The following GLRA1 variants were observed in gnomAD, a reference collection of about 807,000 sequenced individuals.
GLRA1 encodes the protein glycine receptor subunit alpha-1.
A neutral mutation model predicts 48.3 loss-of-function variants in GLRA1; 37 were observed. The observed-to-expected ratio is 0.77, with a 90% CI of 0.59 to 1.01. The LOEUF (loss-of-function observed/expected upper bound fraction) is 1.01, where lower values mean the gene tolerates loss of function less well. Ranked by LOEUF, GLRA1 falls within the 50% of genes least tolerant of loss-of-function variation. The probability of loss-of-function intolerance (pLI) is 0.00; values close to 1 mark genes in which losing one functional copy is unlikely to be tolerated. For missense variants in GLRA1, 427 were observed against 571.0 expected (o/e 0.75, Z 2.57); for synonymous variants, 196 against 210.7 (o/e 0.93, Z 0.60).
chr5:151,901,446 A>G (rs767904109), intron 1 of GLRA1, among the ~76,000 whole-genome samples: 31 of 152,188 alleles, frequency 2.0e-4, no homozygotes, highest in Non-Finnish European at 2.8e-4. Flanking sequence ...GAACAAGCCT[A>G]TGGGGTTTAC....
intron 7 of GLRA1, chr5:151,850,490 G>T: frequency 9.8e-7 from 1 of 1,023,836 alleles, no homozygotes; most frequent in Non-Finnish European, 1.6e-6. Flanking sequence ...ACACTGAGGA[G>T]GCCATCGAGA....
chr5:151,822,679 G>A lies in GLRA1; in HGVS notation c.1344C>T (p.Asn448=), dbSNP rs1351401700. The change falls in exon 9 of 9, where the codon AAC becomes AAT. Residue 448 remains asparagine (N), a synonymous_variant. Coordinates refer to ENST00000274576, the MANE Select transcript of GLRA1 (RefSeq NM_000171.4). ...YKIVRREDVH[N]Q ...CCCCAACCTTTCAGACCCTTCACTG[G>A]TTGTGGACGTCCTCTCTACGGACAA... 6.2e-7 allele frequency: 1 copy of A among 1,610,886 alleles called. No homozygotes were observed. Among genetic ancestry groups the A allele is most frequent in the African/African-American group, 1.3e-5 (1 of 74,894 alleles).
Position 151,921,554 on chromosome 5 carries a change from CAT to C in GLRA1, c.56+2938_56+2939del, listed in dbSNP as rs1449656055. On this transcript the variant is annotated intron_variant, in intron 1 of 8. Transcript: ENST00000274576. Reference sequence around the variant, plus strand: ...TGTCAACAGCGCAGAGCTGGAGAAACATGTGTCTGTTTGAGTTGCTCAGAAGG... The same window carrying C: ...TGTCAACAGCGCAGAGCTGGAGAAACGTGTCTGTTTGAGTTGCTCAGAAGG... 2.6e-5 allele frequency among the ~76,000 whole-genome samples: 4 copies of C among 152,298 alleles called. No individual in the cohort carries two copies. In the East Asian group the frequency reaches 7.7e-4, roughly 29 times the overall value.
chr5:151,864,255 A>G (rs746351889), intron 3 of GLRA1, among the ~76,000 whole-genome samples: 25 of 152,156 alleles, frequency 1.6e-4, no homozygotes, highest in Non-Finnish European at 3.4e-4. Flanking sequence ...TGCACTTTTG[A>G]TGTTCTTGCC....
At chr5:151,875,864 G>T (rs1284948241) in intron 3 of GLRA1, among the ~76,000 whole-genome samples, 2 of 152,226 alleles carry the variant, frequency 1.3e-5, no homozygotes, top group African/African-American at 4.8e-5. Context: ...TCAGGAGTCA[G>T]GCAGCCTGGG....
intron 1 of GLRA1, among the ~76,000 whole-genome samples, chr5:151,901,768 G>C (rs1315015958): frequency 1.3e-5 from 2 of 152,128 alleles, no homozygotes; most frequent in Non-Finnish European, 2.9e-5. Context: ...TGACAGTAAT[G>C]GCTATCATTC....
At chr5:151,921,535 C>T (rs1476195906) in intron 1 of GLRA1, among the ~76,000 whole-genome samples, 1 of 152,188 alleles carries the variant, frequency 6.6e-6, no homozygotes, top group Non-Finnish European at 1.5e-5. Context: ...AAAGTGTCAA[C>T]AGCGCAGAGC....
chr5:151,864,557 G>A (rs1458178461), intron 3 of GLRA1, among the ~76,000 whole-genome samples: 1 of 152,214 alleles, frequency 6.6e-6, no homozygotes, highest in African/African-American at 2.4e-5. Flanking sequence ...ACATGGTGTG[G>A]ACAGCCAATC....
intron 3 of GLRA1, among the ~76,000 whole-genome samples, chr5:151,860,459 G>A (rs564520713): frequency 1.4e-4 from 22 of 152,056 alleles, no homozygotes; most frequent in Non-Finnish European, 2.9e-4. Context: ...ACTAAGATTT[G>A]AGAGTCACTG....
chr5:151,903,845 T>G (rs1754417383), intron 1 of GLRA1, among the ~76,000 whole-genome samples: 1 of 152,206 alleles, frequency 6.6e-6, no homozygotes, highest in Admixed American at 6.5e-5. Context: ...CTTTTCTATT[T>G]TTCAGATGAG....
At chr5:151,920,593 G>T (rs1431351843) in intron 1 of GLRA1, among the ~76,000 whole-genome samples, 2 of 151,916 alleles carry the variant, frequency 1.3e-5, no homozygotes, top group Non-Finnish European at 2.9e-5. Context: ...CTTTTTTAAG[G>T]TTCCTAAGCC....
At position 151,876,159 on chromosome 5, in the gene GLRA1, C is replaced by T. The variant is rs142748092; in HGVS notation, c.252+10562G>A. ...TTCTTCATGCCCCTGAAATTACATTCCCTAATTCTACATATGTGCCCTCCC... is the reference window on the plus strand; with the variant it reads ...TTCTTCATGCCCCTGAAATTACATTTCCTAATTCTACATATGTGCCCTCCC... On this transcript the variant is annotated intron_variant, in intron 3 of 8. Transcript: ENST00000274576. Among the ~76,000 whole-genome samples, 81 of 152,306 alleles carry T rather than the reference C, an allele frequency of 5.3e-4. No individual in the cohort carries two copies. The Middle Eastern group carries it at 0.034, about 64-fold the overall frequency.
chr5:151,907,185 A>C (rs757496307), intron 1 of GLRA1, among the ~76,000 whole-genome samples: 14 of 116,580 alleles, frequency 1.2e-4, no homozygotes, highest in Non-Finnish European at 1.4e-4. Context: ...ATTTTAGAAG[A>C]CTTACAAAAA....
intron 8 of GLRA1, among the ~76,000 whole-genome samples, chr5:151,828,132 T>G (rs1406292363): frequency 6.6e-6 from 1 of 152,104 alleles, no homozygotes; most frequent in African/African-American, 2.4e-5. Flanking sequence ...GTTTAGAAAT[T>G]AAGTTCAAGT....
intron 6 of GLRA1, among the ~76,000 whole-genome samples, chr5:151,853,818 A>G (rs1752970287): frequency 6.6e-6 from 1 of 152,152 alleles, no homozygotes; most frequent in African/African-American, 2.4e-5. Context: ...CATGTCTTCT[A>G]GAAGTTTTAT....
intron 6 of GLRA1, among the ~76,000 whole-genome samples, chr5:151,852,866 C>T (rs1428152025): frequency 6.6e-6 from 1 of 151,984 alleles, no homozygotes; most frequent in Non-Finnish European, 1.5e-5. Flanking sequence ...ATATATTTCT[C>T]AATGGATGAA....
intron 1 of GLRA1, among the ~76,000 whole-genome samples, chr5:151,901,763 G>A (rs560723796): frequency 6.6e-6 from 1 of 152,156 alleles, no homozygotes; most frequent in South Asian, 2.1e-4. Context: ...GCTAATGACA[G>A]TAATGGCTAT....
chr5:151,862,674 G>A (rs574164445), intron 3 of GLRA1, among the ~76,000 whole-genome samples: 2 of 152,196 alleles, frequency 1.3e-5, no homozygotes, highest in Non-Finnish European at 2.9e-5. Context: ...CTTCTTTATT[G>A]CAGGACTTCT....
At chr5:151,849,914 A>T (rs1752855502) in intron 7 of GLRA1, 3 of 1,535,310 alleles carry the variant, frequency 2.0e-6, no homozygotes, top group Admixed American at 3.8e-5. Flanking sequence ...CATGCATTTC[A>T]TGCCTCCTGC....
Sources: allele counts gnomAD v4.1 joint callset (sites outside exome capture counted in the v4.1 genomes callset), GRCh38; gene constraint gnomAD v4.1.1; transcripts MANE v1.5; gene names NCBI Gene and HGNC (gene_info 2026-07-23, HGNC 2026-07-21).